The following LRRC7 variants were observed in gnomAD, a reference collection of about 807,000 sequenced individuals.
The protein encoded by LRRC7 is leucine rich repeat containing 7.
In LRRC7, 23 loss-of-function variants were observed where a neutral mutation model predicts 175.7. The observed-to-expected ratio is 0.13, with a 90% CI of 0.09 to 0.19. The LOEUF (loss-of-function observed/expected upper bound fraction) is 0.19. Ranked by LOEUF, LRRC7 falls within the 10% of genes least tolerant of loss-of-function variation. LRRC7 has a pLI of 1.00. For missense variants in LRRC7, 1,354 were observed against 1,904.7 expected (o/e 0.71, Z 5.38); for synonymous variants, 685 against 680.9 (o/e 1.01, Z -0.09).
intron 8 of LRRC7, among the ~76,000 whole-genome samples, chr1:69,934,825 A>C (rs1647822424): frequency 6.6e-6 from 1 of 151,940 alleles, no homozygotes; most frequent in Non-Finnish European, 1.5e-5. Context: ...CCCTCCCCCT[A>C]GTCTAGACCC....
At chr1:69,882,610 CTTT>C (rs763821316) in intron 7 of LRRC7, among the ~76,000 whole-genome samples, 1 of 133,706 alleles carries the variant, frequency 7.5e-6, no homozygotes, top group African/African-American at 2.7e-5. Flanking sequence ...GGACATTTTT[CTTT>C]TTTTTTTTTT....
At chr1:70,069,844 C>G (rs1662250986) in intron 23 of LRRC7, among the ~76,000 whole-genome samples, 1 of 152,050 alleles carries the variant, frequency 6.6e-6, no homozygotes, top group African/African-American at 2.4e-5. Flanking sequence ...TCCTGTCTAC[C>G]AGGTCACTGT....
At chr1:70,070,850 C>A (rs1468540468) in intron 23 of LRRC7, among the ~76,000 whole-genome samples, 1 of 152,176 alleles carries the variant, frequency 6.6e-6, no homozygotes, top group African/African-American at 2.4e-5. Context: ...AACGGTGCTT[C>A]ATTACTGCTG....
chr1:69,864,384 C>A (rs1684689190), intron 7 of LRRC7, among the ~76,000 whole-genome samples: 1 of 152,114 alleles, frequency 6.6e-6, no homozygotes, highest in African/African-American at 2.4e-5. Flanking sequence ...CTTGATAAAA[C>A]TAAAAACAAA....
At chr1:69,586,051 T>C (rs1646391628) in intron 1 of LRRC7, among the ~76,000 whole-genome samples, 1 of 152,204 alleles carries the variant, frequency 6.6e-6, no homozygotes, top group Admixed American at 6.5e-5. Flanking sequence ...TTAAATCTAC[T>C]GTTGTTAAAT....
At position 69,568,189 on chromosome 1, in the gene LRRC7, A is replaced by G. The variant is rs915121506; in HGVS notation, c.-451A>G. 1.3e-5 allele frequency among the ~76,000 whole-genome samples: 2 copies of G among 151,756 alleles called. No homozygotes were observed. Among genetic ancestry groups the G allele is most frequent in the Non-Finnish European group, 2.9e-5 (2 of 67,944 alleles). Reference sequence around the variant, plus strand: ...CAGGGGTTGTTACGGAGTTGGGTGCAGGATTCGCCTTTCCTGCTTGTCTCT... The same window carrying G: ...CAGGGGTTGTTACGGAGTTGGGTGCGGGATTCGCCTTTCCTGCTTGTCTCT... On this transcript the variant is annotated 5_prime_UTR_variant, in exon 1 of 27. Coordinates refer to ENST00000651989, the MANE Select transcript of LRRC7 (RefSeq NM_001370785.2).
At chr1:69,898,746 G>A (rs1263156216) in intron 7 of LRRC7, among the ~76,000 whole-genome samples, 2 of 151,856 alleles carry the variant, frequency 1.3e-5, no homozygotes, top group Admixed American at 6.6e-5. Context: ...TATCTGTGGA[G>A]GATAAGAAGC....
chr1:69,651,225 A>G (rs1655782065), intron 1 of LRRC7, among the ~76,000 whole-genome samples: 1 of 152,162 alleles, frequency 6.6e-6, no homozygotes, highest in Non-Finnish European at 1.5e-5. Flanking sequence ...AAAGATATAT[A>G]TTTTTAAAAA....
intron 1 of LRRC7, among the ~76,000 whole-genome samples, chr1:69,676,516 T>C (rs955201156): frequency 2.6e-5 from 4 of 152,098 alleles, no homozygotes; most frequent in African/African-American, 4.8e-5. Flanking sequence ...TGTACATTGA[T>C]GTGCAAAACT....
intron 7 of LRRC7, among the ~76,000 whole-genome samples, chr1:69,895,563 C>A (rs1302922824): frequency 1.3e-5 from 2 of 152,128 alleles, no homozygotes; most frequent in Admixed American, 1.3e-4. Context: ...GAACAAAATT[C>A]ATCAGCCCCA....
At chr1:69,576,642 A>C (rs1645962025) in intron 1 of LRRC7, among the ~76,000 whole-genome samples, 1 of 152,242 alleles carries the variant, frequency 6.6e-6, no homozygotes, top group Non-Finnish European at 1.5e-5. Flanking sequence ...TATTAAGGAA[A>C]TAATGTTTTA....
chr1:69,621,799 C>G (rs922602202), intron 1 of LRRC7, among the ~76,000 whole-genome samples: 5 of 152,282 alleles, frequency 3.3e-5, no homozygotes, highest in Admixed American at 6.5e-5. Context: ...CTGGACTGGA[C>G]CACTCTTTTT....
chr1:69,600,800 C>CTTTTTTTTTTTTTTTTTTTTTT (rs59212223), intron 1 of LRRC7, among the ~76,000 whole-genome samples: 1 of 64,896 alleles, frequency 1.5e-5, no homozygotes, highest in Non-Finnish European at 2.8e-5. Flanking sequence ...TCTCTGGTTT[C>CTTTTTTTTTTTTTTTTTTTTTT]TTTTTTTTTT....
intron 23 of LRRC7, among the ~76,000 whole-genome samples, chr1:70,069,144 A>G (rs1455764349): frequency 6.6e-6 from 1 of 152,164 alleles, no homozygotes; most frequent in East Asian, 1.9e-4. Context: ...GCATTCTCAC[A>G]CTGCTATGAA....
intron 2 of LRRC7, among the ~76,000 whole-genome samples, chr1:69,706,937 C>G (rs1664106861): frequency 6.6e-6 from 1 of 152,016 alleles, no homozygotes. Flanking sequence ...GGTTCTGGGC[C>G]TTATGATGCT....
Position 70,137,462 on chromosome 1 carries a change from C to T in LRRC7, c.*15575C>T, listed in dbSNP as rs1571408268. Among the ~76,000 whole-genome samples, 2 of 152,174 alleles carry T rather than the reference C, an allele frequency of 1.3e-5. No homozygotes were observed. The highest frequency in any genetic ancestry group is 1.3e-4 in the Admixed American group (2 of 15,288). On this transcript the variant is annotated 3_prime_UTR_variant, in exon 27 of 27. Coordinates refer to ENST00000651989, the MANE Select transcript of LRRC7 (RefSeq NM_001370785.2). ...GTTTTAGACACCTAAGAAAAATGTA[C>T]GTACATCTGGTGGACTTGCATATCT...
intron 21 of LRRC7, among the ~76,000 whole-genome samples, chr1:70,040,818 A>G (rs1191561626): frequency 4.0e-5 from 6 of 148,582 alleles, no homozygotes; most frequent in Non-Finnish European, 5.9e-5. Context: ...TGTCTTGGGG[A>G]AAAAAAAAAT....
At chr1:69,964,107 A>G (rs12039670) in intron 8 of LRRC7, among the ~76,000 whole-genome samples, 9,515 of 152,236 alleles carry the variant, frequency 0.063, 296 homozygotes, top group South Asian at 0.11. Flanking sequence ...TTTACAAAAC[A>G]AAGATCAGGC....
chr1:70,007,027 T>C (rs139005391), intron 11 of LRRC7, among the ~76,000 whole-genome samples: 118 of 152,172 alleles, frequency 7.8e-4, no homozygotes, highest in African/African-American at 2.6e-3. Context: ...ACCTTTTGGG[T>C]TTTTGTGGAG....
Sources: gnomAD v4.1 joint callset for allele counts (sites outside exome capture counted in the v4.1 genomes callset) on GRCh38, gnomAD v4.1.1 for gene constraint, MANE v1.5 for transcripts, NCBI Gene and HGNC (gene_info 2026-07-23, HGNC 2026-07-21) for gene names.